Variants in YWHAE observed in about 807,000 individuals in gnomAD.
YWHAE encodes tyrosine 3-monooxygenase/tryptophan 5-monooxygenase activation protein epsilon.
Under a neutral mutation model 30.1 loss-of-function variants are expected in YWHAE, and 4 were observed. The ratio of observed to expected loss-of-function variants is 0.13; its 90% CI spans 0.07 to 0.30. The LOEUF is 0.30. Ranked by LOEUF, YWHAE falls within the 10% of genes least tolerant of loss-of-function variation. YWHAE has a pLI of 1.00. For synonymous variants in YWHAE, 118 were observed against 111.8 expected, an observed-to-expected ratio of 1.06 and a Z score of -0.35; for missense variants, 121 against 315.9, an observed-to-expected ratio of 0.38 and a Z score of 4.68.
chr17:1,365,729 T>C (rs560583285), intron 1 of YWHAE, among the ~76,000 whole-genome samples: 736 of 152,248 alleles, frequency 4.8e-3, no homozygotes, highest in Non-Finnish European at 7.4e-3. Flanking sequence ...ACTGAATAAA[T>C]ACATTAATAA....
intron 1 of YWHAE, among the ~76,000 whole-genome samples, chr17:1,387,746 C>T (rs1304261635): frequency 6.6e-6 from 1 of 151,862 alleles, no homozygotes; most frequent in Non-Finnish European, 1.5e-5. Flanking sequence ...CCTCAGCCTC[C>T]CGAATAGCTG....
intron 1 of YWHAE, among the ~76,000 whole-genome samples, chr17:1,397,841 A>G (rs1474670971): frequency 2.0e-5 from 3 of 152,128 alleles, no homozygotes; most frequent in African/African-American, 7.2e-5. Flanking sequence ...CCCAAGTCAC[A>G]GCAATAGCTC....
At chr17:1,399,532 G>A (rs1397749262) in intron 1 of YWHAE, 2 of 172,368 alleles carry the variant, frequency 1.2e-5, no homozygotes, top group Admixed American at 5.9e-5. Flanking sequence ...CACGGCCGCC[G>A]CCCCACACGG....
At chr17:1,347,796 C>G (rs746504127) in intron 5 of YWHAE, among the ~76,000 whole-genome samples, 1 of 152,216 alleles carries the variant, frequency 6.6e-6, no homozygotes, top group Non-Finnish European at 1.5e-5. Flanking sequence ...ATATACATCA[C>G]ATCCAACCAC....
chr17:1,359,264 G>A (rs536869631), intron 4 of YWHAE, among the ~76,000 whole-genome samples: 1 of 152,176 alleles, frequency 6.6e-6, no homozygotes, highest in Non-Finnish European at 1.5e-5. Context: ...AGGCTGCAGT[G>A]AGCTATGAGT....
chr17:1,354,981 T>G (rs1323131394), intron 4 of YWHAE, among the ~76,000 whole-genome samples: 1 of 78,384 alleles, frequency 1.3e-5, no homozygotes, highest in Non-Finnish European at 2.5e-5. Context: ...TTTTTTTTTT[T>G]TTTTTTTTTT....
intron 5 of YWHAE, among the ~76,000 whole-genome samples, chr17:1,349,336 C>T (rs996621757): frequency 2.3e-4 from 35 of 152,118 alleles, no homozygotes; most frequent in African/African-American, 7.2e-4. Context: ...AGTGATACTC[C>T]ATCTCAAAAA....
intron 1 of YWHAE, among the ~76,000 whole-genome samples, chr17:1,398,191 G>C (rs928499442): frequency 2.6e-5 from 4 of 152,122 alleles, no homozygotes; most frequent in Admixed American, 2.6e-4. Context: ...TTCCTCCCAA[G>C]AACACTAACA....
intron 4 of YWHAE, 57 bp downstream of exon 4, chr17:1,361,035 A>C (rs1215863043): frequency 6.5e-7 from 1 of 1,531,562 alleles, no homozygotes. Flanking sequence ...CGGAAAACCC[A>C]AACAGCGCCC....
At chr17:1,363,297 T>C (rs1795973896) in intron 2 of YWHAE, among the ~76,000 whole-genome samples, 1 of 152,172 alleles carries the variant, frequency 6.6e-6, no homozygotes, top group African/African-American at 2.4e-5. Flanking sequence ...GTTTCCCTCT[T>C]GTTGCCAAGG....
intron 1 of YWHAE, among the ~76,000 whole-genome samples, chr17:1,388,119 T>C (rs2073333566): frequency 4.8e-5 from 1 of 20,724 alleles, no homozygotes; most frequent in East Asian, 8.8e-4. Flanking sequence ...TTTTGGTTGG[T>C]TTTTTTTTTT....
chr17:1,348,848 C>T (rs1292437836), intron 5 of YWHAE, among the ~76,000 whole-genome samples: 1 of 150,832 alleles, frequency 6.6e-6, no homozygotes, highest in Non-Finnish European at 1.5e-5. Context: ...ACGGGGAAAC[C>T]CCGCCTCTAC....
intron 1 of YWHAE, among the ~76,000 whole-genome samples, chr17:1,396,074 GC>G (rs1481796946): frequency 6.6e-6 from 1 of 152,008 alleles, no homozygotes; most frequent in Non-Finnish European, 1.5e-5. Context: ...AGCCGAGATC[GC>G]GCTATTGCAC....
At chr17:1,394,384 G>T (rs2073432423) in intron 1 of YWHAE, among the ~76,000 whole-genome samples, 1 of 146,766 alleles carries the variant, frequency 6.8e-6, no homozygotes, top group South Asian at 2.1e-4. Flanking sequence ...AGGCCAAGGT[G>T]GGAGTCCAGG....
chr17:1,399,920 C>T (rs912134253), intron 1 of YWHAE, 127 bp downstream of exon 1: 11 of 1,173,786 alleles, frequency 9.4e-6, no homozygotes, highest in Admixed American at 5.3e-5. Context: ...CCATTTCCTG[C>T]TTCCCGAACC....
At position 1,400,202 on chromosome 17, in the gene YWHAE, A is replaced by C; in HGVS notation, c.-92T>G. ...CCTCTCGCTCCGCGTCCGGGCAGCA[A>C]AAATGGCGGCGCCTCAATCCGGGAC... On this transcript the variant is annotated 5_prime_UTR_variant, in exon 1 of 6. Coordinates refer to ENST00000264335, the MANE Select transcript of YWHAE (RefSeq NM_006761.5). 6.7e-7 allele frequency: 1 copy of C among 1,491,568 alleles called. No homozygotes were observed. The highest frequency in any genetic ancestry group is 9.3e-7 in the Non-Finnish European group (1 of 1,074,322). 92.4% of individuals were successfully genotyped at this position (1,491,568 alleles called of 1,614,324 possible).
rs757694234 is a variant in YWHAE, at chr17:1,345,468, G to A, written c.747C>T (p.Asp249=). The change falls in exon 6 of 6, where the codon GAC becomes GAT. Residue 249 remains aspartate, a synonymous_variant. Transcript: ENST00000264335. ...TGTCTCACTGATTTTCGTCTTCCACGTCCTGCAGCGCTTCTTTATTCTGCT... is the reference window on the plus strand; with the variant it reads ...TGTCTCACTGATTTTCGTCTTCCACATCCTGCAGCGCTTCTTTATTCTGCT... ...GEEQNKEALQ[D]VEDENQ The A allele has an allele frequency of 1.4e-5, 23 of 1,613,540 alleles. No homozygotes were observed. Among genetic ancestry groups the A allele is most frequent in the Middle Eastern group, 1.6e-4 (1 of 6,078 alleles).
intron 1 of YWHAE, chr17:1,399,609 C>G: frequency 4.7e-6 from 1 of 211,866 alleles, no homozygotes. Flanking sequence ...CGCTACAGCT[C>G]CCGGTCTTCG....
At chr17:1,361,044 C>G (rs1328408693) in intron 4 of YWHAE, 48 bp downstream of exon 4, 16 of 1,545,622 alleles carry the variant, frequency 1.0e-5, no homozygotes, top group Non-Finnish European at 1.3e-5. Flanking sequence ...CAAACAGCGC[C>G]CCCCTTAACT....
Sources: allele counts gnomAD v4.1 joint callset (sites outside exome capture counted in the v4.1 genomes callset), GRCh38; gene constraint gnomAD v4.1.1; transcripts MANE v1.5; gene names NCBI Gene and HGNC (gene_info 2026-07-23, HGNC 2026-07-21).